CCDC141: variants seen among roughly 807,000 people sequenced by gnomAD.
The protein encoded by CCDC141 is coiled-coil domain containing 141.
CCDC141 carries 168 observed loss-of-function variants against 181.0 expected under a neutral mutation model. The ratio of observed to expected loss-of-function variants is 0.93; its 90% CI spans 0.82 to 1.05. The LOEUF is 1.05. Among genes scored for constraint, CCDC141 ranks in the 50% least tolerant of loss-of-function variants. CCDC141 has a pLI of 0.00. For missense variants in CCDC141, 1,902 were observed against 1,788.5 expected (o/e 1.06, Z -1.14); for synonymous variants, 666 against 642.3 (o/e 1.04, Z -0.56).
chr2:179,011,102 G>A (rs2042257604), intron 2 of CCDC141, among the ~76,000 whole-genome samples: 2 of 150,102 alleles, frequency 1.3e-5, no homozygotes, highest in African/African-American at 4.9e-5. Context: ...AGGTTGCAGT[G>A]AGCCGAGATC....
chr2:178,890,888 C>T (rs1310992406), intron 8 of CCDC141, among the ~76,000 whole-genome samples: 1 of 150,990 alleles, frequency 6.6e-6, no homozygotes, highest in Non-Finnish European at 1.5e-5. Flanking sequence ...ACAGACATGC[C>T]ACTTTGTTAA....
intron 6 of CCDC141, among the ~76,000 whole-genome samples, chr2:178,936,534 C>T (rs1689297034): frequency 1.3e-5 from 2 of 151,974 alleles, no homozygotes; most frequent in African/African-American, 2.4e-5. Context: ...TAACATAATG[C>T]CTCCAGCTTT....
chr2:178,967,175 C>T (rs189009258), intron 4 of CCDC141, among the ~76,000 whole-genome samples: 38 of 152,308 alleles, frequency 2.5e-4, no homozygotes, highest in Middle Eastern at 6.8e-3. Context: ...TTGGAAAACA[C>T]TCTTCAGGAT....
rs1250111685 is a variant in CCDC141 at position 178,836,982 on chromosome 2, T to C, written c.4237A>G (p.Arg1413Gly). 10 of 1,613,970 alleles carry C rather than the reference T, an allele frequency of 6.2e-6. No individual in the cohort carries two copies. The South Asian group carries it at 1.1e-4, about 18-fold the overall frequency. ...SLADQAPNFS[R>G]LLSNVTVMEG... is the part of the protein sequence containing the mutation. ...ATGACAGTTACATTAGACAGGAGCC[T>C]GGAGAAATTAGGTGCCTGGTCAGCT... is the stretch of plus-strand genomic sequence containing the variant. The change falls in exon 23 of 24, where the codon AGG becomes GGG. Residue 1413 changes from arginine to glycine, a missense_variant. Arg to Gly is a moderately radical substitution (Grantham distance 125). Transcript: ENST00000443758.
chr2:178,942,256 A>C (rs1458442923), intron 6 of CCDC141, among the ~76,000 whole-genome samples: 1 of 152,148 alleles, frequency 6.6e-6, no homozygotes, highest in Non-Finnish European at 1.5e-5. Flanking sequence ...CTAATCGTTT[A>C]AATGTTTTGT....
rs1207823811 is a variant in CCDC141 at position 178,918,787 on chromosome 2, C to T, written c.1018G>A (p.Glu340Lys). The T allele has an allele frequency of 1.9e-6, 3 of 1,550,482 alleles. No homozygotes were observed. The African/African-American group carries it at 4.1e-5, about 21-fold the overall frequency. The change falls in exon 7 of 24, where the codon GAA becomes AAA. Residue 340 changes from glutamate to lysine, a missense_variant. By Grantham distance (56) the Glu-to-Lys change is moderately conservative (BLOSUM62 1). Coordinates refer to ENST00000443758, the MANE Select transcript of CCDC141 (RefSeq NM_173648.4). The stretch of plus-strand genomic sequence containing the variant: ...CTTTCCACCATGAGTTGACCAAATT[C>T]TTCTTGAAGCTGACTGAGTTTCTGG... ...SHQKLSQLQE[E>K]FGQLMVERNT...
chr2:179,037,390 A>G (rs1342283055), intron 2 of CCDC141, among the ~76,000 whole-genome samples: 1 of 152,240 alleles, frequency 6.6e-6, no homozygotes, highest in Non-Finnish European at 1.5e-5. Context: ...CACTGCTATG[A>G]CATAGGTAAT....
At chr2:178,961,179 A>C in intron 5 of CCDC141, 51 bp downstream of exon 5, 1 of 1,534,284 alleles carries the variant, frequency 6.5e-7, no homozygotes, top group South Asian at 1.2e-5. Flanking sequence ...TAATCCATAT[A>C]ACAACTAATC....
intron 8 of CCDC141, 104 bp downstream of exon 8, chr2:178,905,225 A>G: frequency 3.7e-6 from 4 of 1,092,758 alleles, no homozygotes; most frequent in Non-Finnish European, 5.1e-6. Context: ...ATAATGCAGC[A>G]AAACATCAGA....
chr2:178,893,701 TA>T (rs1687261824), intron 8 of CCDC141, among the ~76,000 whole-genome samples: 1 of 152,124 alleles, frequency 6.6e-6, no homozygotes, highest in Non-Finnish European at 1.5e-5. Context: ...GTGCCATTTA[TA>T]CTGTAGAAGT....
chr2:178,985,524 A>C (rs1451133596), intron 2 of CCDC141, among the ~76,000 whole-genome samples: 6 of 151,018 alleles, frequency 4.0e-5, no homozygotes, highest in African/African-American at 1.2e-4. Context: ...TAATGAATCC[A>C]GGAGCTGGTT....
chr2:178,903,409 A>G (rs1395628252), intron 8 of CCDC141, among the ~76,000 whole-genome samples: 3 of 152,148 alleles, frequency 2.0e-5, no homozygotes, highest in Non-Finnish European at 4.4e-5. Context: ...CATATACACC[A>G]TGGAATACTA....
At chr2:178,970,551 G>A (rs1690838750) in intron 4 of CCDC141, among the ~76,000 whole-genome samples, 1 of 152,150 alleles carries the variant, frequency 6.6e-6, no homozygotes, top group African/African-American at 2.4e-5. Context: ...ATGGTGTTGG[G>A]AAACCTACTA....
At chr2:179,038,028 T>A (rs1406788923) in intron 2 of CCDC141, among the ~76,000 whole-genome samples, 1 of 152,166 alleles carries the variant, frequency 6.6e-6, no homozygotes, top group Admixed American at 6.6e-5. Context: ...TCAAAAGAAT[T>A]GAAAACAGAT....
intron 2 of CCDC141, among the ~76,000 whole-genome samples, chr2:178,992,049 T>C (rs543444792): frequency 6.6e-6 from 1 of 151,944 alleles, no homozygotes; most frequent in Non-Finnish European, 1.5e-5. Context: ...CTCAAGTATG[T>C]ACCCAAAAGA....
chr2:178,871,730 C>A (rs1395812396), intron 13 of CCDC141, among the ~76,000 whole-genome samples, 178 bp from the exon 14 acceptor site: 1 of 152,026 alleles, frequency 6.6e-6, no homozygotes. Context: ...GTTTCTGCTG[C>A]CTTTTTTGGT....
At chr2:178,965,820 A>C (rs914278936) in intron 4 of CCDC141, among the ~76,000 whole-genome samples, 4 of 152,150 alleles carry the variant, frequency 2.6e-5, no homozygotes, top group African/African-American at 9.7e-5. Context: ...AAGTGGTCTG[A>C]CTTAGCAGTT....
intron 2 of CCDC141, among the ~76,000 whole-genome samples, chr2:179,038,208 G>T (rs913436800): frequency 1.3e-5 from 2 of 152,214 alleles, no homozygotes; most frequent in Non-Finnish European, 2.9e-5. Context: ...TCTGATACAT[G>T]CTGCAAAATG....
At chr2:178,923,617 C>T (rs141748798) in intron 6 of CCDC141, among the ~76,000 whole-genome samples, 24 of 151,490 alleles carry the variant, frequency 1.6e-4, no homozygotes, top group African/African-American at 5.6e-4. Flanking sequence ...GTACTTGTCC[C>T]CACCAGCAGA....
Sources: allele counts gnomAD v4.1 joint callset (sites outside exome capture counted in the v4.1 genomes callset), GRCh38; gene constraint gnomAD v4.1.1; transcripts MANE v1.5; gene names NCBI Gene and HGNC (gene_info 2026-07-23, HGNC 2026-07-21).